MYT1L: variants seen among roughly 807,000 people sequenced by gnomAD.
MYT1L encodes the protein myelin transcription factor 1-like protein.
Under a neutral mutation model 126.7 loss-of-function variants are expected in MYT1L, and 12 were observed. The ratio of observed to expected loss-of-function variants is 0.09; its 90% CI spans 0.06 to 0.15. The LOEUF (loss-of-function observed/expected upper bound fraction) is 0.15, where lower values mean the gene tolerates loss of function less well. MYT1L is among the 10% of genes least tolerant of loss of function. The pLI is 1.00. For missense variants in MYT1L, 979 were observed against 1,585.2 expected, an observed-to-expected ratio of 0.62 and a Z score of 6.49; for synonymous variants, 541 against 604.2, an observed-to-expected ratio of 0.90 and a Z score of 1.53.
intron 2 of MYT1L, among the ~76,000 whole-genome samples, chr2:2,265,325 C>A (rs1260422617): frequency 6.0e-5 from 9 of 150,612 alleles, no homozygotes; most frequent in African/African-American, 1.2e-4. Context: ...TTTTTTTTTC[C>A]TTTTTTTAAA....
At chr2:1,870,072 C>CT (rs2046087797) in intron 18 of MYT1L, among the ~76,000 whole-genome samples, 1 of 151,918 alleles carries the variant, frequency 6.6e-6, no homozygotes, top group Non-Finnish European at 1.5e-5. Flanking sequence ...GGGCATTCTT[C>CT]TCCTCTACCT....
chr2:1,996,983 C>T (rs1383297543), intron 5 of MYT1L, among the ~76,000 whole-genome samples: 4 of 130,938 alleles, frequency 3.1e-5, no homozygotes, highest in South Asian at 2.6e-4. Context: ...GTAGACGGGC[C>T]GCCTTTACCT....
At chr2:2,275,105 T>C (rs2095332631) in intron 2 of MYT1L, among the ~76,000 whole-genome samples, 1 of 152,034 alleles carries the variant, frequency 6.6e-6, no homozygotes, top group Non-Finnish European at 1.5e-5. Context: ...TGCTGGTGGT[T>C]GGATGTCACC....
At chr2:2,308,910 C>T (rs976580997) in intron 1 of MYT1L, among the ~76,000 whole-genome samples, 1 of 151,794 alleles carries the variant, frequency 6.6e-6, no homozygotes, top group Admixed American at 6.6e-5. Context: ...CTTCAGGATA[C>T]TCTACCTGCA....
At chr2:1,864,607 T>G (rs2045214055) in intron 18 of MYT1L, among the ~76,000 whole-genome samples, 1 of 152,180 alleles carries the variant, frequency 6.6e-6, no homozygotes, top group Non-Finnish European at 1.5e-5. Context: ...GAGCTGTCTC[T>G]GTGTTCAGGC....
chr2:2,287,739 T>C (rs1182846326), intron 1 of MYT1L, among the ~76,000 whole-genome samples: 1 of 152,210 alleles, frequency 6.6e-6, no homozygotes, highest in Non-Finnish European at 1.5e-5. Context: ...AGTTATTTCA[T>C]ATAGTCTTTT....
At chr2:2,079,308 T>C (rs777638130) in intron 3 of MYT1L, among the ~76,000 whole-genome samples, 1 of 152,206 alleles carries the variant, frequency 6.6e-6, no homozygotes, top group African/African-American at 2.4e-5. Flanking sequence ...AAGACATGTA[T>C]ACTAAAAGCT....
chr2:2,075,611 A>C (rs909858014), intron 3 of MYT1L, among the ~76,000 whole-genome samples: 5 of 152,214 alleles, frequency 3.3e-5, no homozygotes, highest in Middle Eastern at 3.2e-3. Context: ...TGGAGGAGGG[A>C]TGAACAAAAC....
chr2:2,280,005 T>C (rs1390229428), intron 2 of MYT1L, among the ~76,000 whole-genome samples: 1 of 152,020 alleles, frequency 6.6e-6, no homozygotes, highest in Non-Finnish European at 1.5e-5. Context: ...GAATTTCAAA[T>C]AGATGGATAT....
intron 21 of MYT1L, among the ~76,000 whole-genome samples, chr2:1,813,801 G>A (rs776634692): frequency 6.8e-6 from 1 of 147,760 alleles, no homozygotes; most frequent in Non-Finnish European, 1.5e-5. Context: ...GCCGAGGCGG[G>A]CGGATCACGC....
chr2:2,157,630 A>G (rs1430204272), intron 3 of MYT1L, among the ~76,000 whole-genome samples: 1 of 152,214 alleles, frequency 6.6e-6, no homozygotes, highest in Non-Finnish European at 1.5e-5. Flanking sequence ...GAGGAAAGGC[A>G]GGAGATGAAA....
At position 2,209,699 on chromosome 2, in the gene MYT1L, A is replaced by G. The variant is rs1372130593; in HGVS notation, c.-420-36711T>C. The stretch of plus-strand genomic sequence containing the variant: ...ATTTTTTTAATCCACTCATCTGTTG[A>G]TGGACACTATTGATGCTTCCAAATG... On this transcript the variant is annotated intron_variant, in intron 2 of 24. Coordinates refer to ENST00000647738, the MANE Select transcript of MYT1L (RefSeq NM_001303052.2). 2.6e-5 allele frequency among the ~76,000 whole-genome samples: 4 copies of G among 152,284 alleles called. No homozygotes were observed. The East Asian group carries it at 7.7e-4, about 29-fold the overall frequency.
At chr2:2,015,070 T>G (rs2064234005) in intron 4 of MYT1L, among the ~76,000 whole-genome samples, 1 of 152,206 alleles carries the variant, frequency 6.6e-6, no homozygotes, top group African/African-American at 2.4e-5. Flanking sequence ...ATTTTCTAGC[T>G]GGGCTGGCAC....
At chr2:2,306,255 C>T (rs1385282969) in intron 1 of MYT1L, 1 of 152,152 alleles carries the variant, frequency 6.6e-6, no homozygotes, top group African/African-American at 2.4e-5. Flanking sequence ...GAATAAGCTG[C>T]AGGAGTTTGT....
chr2:2,223,793 T>A (rs1364688682), intron 2 of MYT1L, among the ~76,000 whole-genome samples: 1 of 152,234 alleles, frequency 6.6e-6, no homozygotes, highest in Admixed American at 6.5e-5. Context: ...CATTTTGGAA[T>A]GTTTTAAACT....
At chr2:1,868,852 G>A (rs553849555) in intron 18 of MYT1L, among the ~76,000 whole-genome samples, 1 of 152,344 alleles carries the variant, frequency 6.6e-6, no homozygotes, top group African/African-American at 2.4e-5. Flanking sequence ...CTGCAGCGCT[G>A]CCAGGCACCG....
intron 3 of MYT1L, among the ~76,000 whole-genome samples, chr2:2,125,109 A>C (rs1037622771): frequency 6.6e-6 from 1 of 152,188 alleles, no homozygotes; most frequent in African/African-American, 2.4e-5. Flanking sequence ...AGGGCCTCTC[A>C]TCCTGCTTTT....
At chr2:2,246,048 C>A (rs945503788) in intron 2 of MYT1L, among the ~76,000 whole-genome samples, 1 of 152,182 alleles carries the variant, frequency 6.6e-6, no homozygotes, top group African/African-American at 2.4e-5. Flanking sequence ...AATTTGCATT[C>A]TTTCAACCAC....
At chr2:1,880,488 G>A (rs1573163697) in intron 18 of MYT1L, among the ~76,000 whole-genome samples, 1 of 152,068 alleles carries the variant, frequency 6.6e-6, no homozygotes, top group South Asian at 2.1e-4. Context: ...TTTTAAATGA[G>A]ACTTTATTTT....
Sources: allele counts gnomAD v4.1 joint callset (sites outside exome capture counted in the v4.1 genomes callset), GRCh38; gene constraint gnomAD v4.1.1; transcripts MANE v1.5; gene names NCBI Gene and HGNC (gene_info 2026-07-23, HGNC 2026-07-21).